TBC1D8B: variants seen among roughly 807,000 people sequenced by gnomAD.
TBC1D8B encodes the protein TBC1 domain family member 8B.
A neutral mutation model predicts 82.9 loss-of-function variants in TBC1D8B; 75 were observed. The observed-to-expected ratio is 0.90, with a 90% CI of 0.75 to 1.10. The LOEUF is 1.10. TBC1D8B is among the 50% of genes least tolerant of loss of function. The probability of loss-of-function intolerance (pLI) is 0.00; values close to 1 mark genes in which losing one functional copy is unlikely to be tolerated. For synonymous variants in TBC1D8B, 276 were observed against 276.8 expected (o/e 1.00, Z 0.03); for missense variants, 794 against 796.9 (o/e 1.00, Z 0.04).
At chrX:106,863,232 C>CA (rs1310887991) in intron 14 of TBC1D8B, among the ~76,000 whole-genome samples, 1 of 111,557 alleles carries the variant, frequency 9.0e-6, no homozygotes. Flanking sequence ...GGCTGCGATC[C>CA]AGTAGGTGGC....
chrX:106,816,788 A>G (rs1221917491), intron 1 of TBC1D8B, among the ~76,000 whole-genome samples: 1 of 110,889 alleles, frequency 9.0e-6, no homozygotes, highest in Non-Finnish European at 1.9e-5. Flanking sequence ...CTTTTTATCA[A>G]TTCCTGTATC....
In TBC1D8B at chrX:106,854,297, G is replaced by A. The variant is rs1373679128; in HGVS notation, c.2352+1G>A. 3 of 1,151,535 alleles carry A rather than the reference G, an allele frequency of 2.6e-6. No individual in the cohort carries two copies. Among genetic ancestry groups the A allele is most frequent in the South Asian group, 2.0e-5 (1 of 49,028 alleles). The allele number at this position is 1,151,535 out of a possible 1,213,427, so 94.9% of individuals were successfully genotyped here. ...AGAGGAAACAACAAAACAGAATGTG[G>A]TAAGTATGCAACCAATGAGGAAAAA... On this transcript the variant is annotated splice_donor_variant, in intron 14 of 20. Transcript: ENST00000357242. LOFTEE classifies it high-confidence loss of function.
intron 17 of TBC1D8B, among the ~76,000 whole-genome samples, chrX:106,867,710 T>C (rs769097051): frequency 9.0e-6 from 1 of 111,615 alleles, no homozygotes; most frequent in Admixed American, 9.5e-5. Flanking sequence ...CATAATTTGT[T>C]TAAAGCTACA....
chrX:106,869,238 GAAAT>G (rs1246936147), intron 18 of TBC1D8B, among the ~76,000 whole-genome samples: 9 of 111,247 alleles, frequency 8.1e-5, no homozygotes, highest in African/African-American at 2.9e-4. Context: ...ATACCACCCA[GAAAT>G]AAATACTTAA....
chrX:106,829,525 A>C (rs199655028), intron 7 of TBC1D8B: 2 of 85,312 alleles, frequency 2.3e-5, no homozygotes, highest in Non-Finnish European at 4.8e-5. Context: ...GAGGCATCAC[A>C]CTACCTGACT....
chrX:106,863,965 G>A (rs1042603372), intron 14 of TBC1D8B, among the ~76,000 whole-genome samples: 2 of 112,015 alleles, frequency 1.8e-5, no homozygotes, highest in African/African-American at 6.5e-5. Context: ...TCAGGCAGAA[G>A]CGGTAGTGCT....
chrX:106,827,473 T>C, intron 7 of TBC1D8B, 136 bp downstream of exon 7: 5 of 640,332 alleles, frequency 7.8e-6, no homozygotes, highest in Non-Finnish European at 1.2e-5. Context: ...TCTAAGAAAT[T>C]ATATTGTCTA....
intron 20 of TBC1D8B, among the ~76,000 whole-genome samples, chrX:106,872,695 C>T (rs1932857978): frequency 9.1e-6 from 1 of 110,065 alleles, no homozygotes; most frequent in African/African-American, 3.3e-5. Flanking sequence ...TGGCCAGGCG[C>T]AGTGGCTCAT....
intron 10 of TBC1D8B, among the ~76,000 whole-genome samples, chrX:106,842,693 A>G (rs576701203): frequency 3.6e-5 from 4 of 110,215 alleles, no homozygotes; most frequent in East Asian, 5.7e-4. Flanking sequence ...GTCTCCATCT[A>G]TCTATCTAAT....
At chrX:106,851,206 A>G (rs1294054408) in intron 12 of TBC1D8B, among the ~76,000 whole-genome samples, 1 of 111,954 alleles carries the variant, frequency 8.9e-6, no homozygotes, top group Non-Finnish European at 1.9e-5. Context: ...CCTGGCCAAC[A>G]TGGCAAAACC....
At chrX:106,852,014 AG>A (rs1237879008) in intron 12 of TBC1D8B, among the ~76,000 whole-genome samples, 1 of 109,573 alleles carries the variant, frequency 9.1e-6, no homozygotes, top group East Asian at 2.9e-4. Context: ...TGGTTGAACT[AG>A]TTTACAGTCC....
intron 9 of TBC1D8B, among the ~76,000 whole-genome samples, chrX:106,840,450 G>A (rs1932278089): frequency 9.0e-6 from 1 of 111,508 alleles, no homozygotes; most frequent in Non-Finnish European, 1.9e-5. Flanking sequence ...AGTGTCAACA[G>A]TCAGTTAAGG....
At chrX:106,825,553 A>C (rs995782594) in intron 5 of TBC1D8B, among the ~76,000 whole-genome samples, 7 of 111,094 alleles carry the variant, frequency 6.3e-5, no homozygotes, top group Non-Finnish European at 1.3e-4. Flanking sequence ...ACTTCACTTA[A>C]TTTTTAATAT....
chrX:106,868,635 C>T lies in TBC1D8B; in HGVS notation c.2812+159C>T, dbSNP rs5962763. On this transcript the variant is annotated intron_variant, in intron 18 of 20. Transcript: ENST00000357242. ...TTAGCATGGTCCATAAATGTTTGAC[C>T]GGTTAACCAAATTGCATTTTGGTGC... Among the ~76,000 whole-genome samples the T allele has an allele frequency of 0.062, 6,903 of 111,550 alleles. 555 individuals carry two copies. Among genetic ancestry groups the T allele is most frequent in the African/African-American group, 0.21 (6,535 of 30,617 alleles).
At chrX:106,804,310 G>A (rs898086530) in intron 1 of TBC1D8B, among the ~76,000 whole-genome samples, 1 of 111,048 alleles carries the variant, frequency 9.0e-6, no homozygotes, top group African/African-American at 3.3e-5. Context: ...GCCACTCCCG[G>A]GGTGCAAAGA....
intron 1 of TBC1D8B, among the ~76,000 whole-genome samples, chrX:106,805,259 CTTT>C (rs79051070): frequency 2.1e-5 from 2 of 96,422 alleles, no homozygotes; most frequent in Non-Finnish European, 2.1e-5. Context: ...TGGCTAATTT[CTTT>C]TTTTTTTTTT....
At chrX:106,862,714 T>C (rs1210343381) in intron 14 of TBC1D8B, among the ~76,000 whole-genome samples, 5 of 108,089 alleles carry the variant, frequency 4.6e-5, no homozygotes, top group African/African-American at 6.7e-5. Flanking sequence ...TTCTTTCTCA[T>C]CTGCGTGAGC....
intron 11 of TBC1D8B, chrX:106,849,109 T>C: frequency 3.4e-6 from 2 of 590,367 alleles, no homozygotes; most frequent in Non-Finnish European, 5.0e-6. Flanking sequence ...TATTTACAGA[T>C]CTGTGACCAC....
At chrX:106,859,485 G>A (rs1053152619) in intron 14 of TBC1D8B, among the ~76,000 whole-genome samples, 9 of 111,476 alleles carry the variant, frequency 8.1e-5, no homozygotes, top group African/African-American at 2.9e-4. Flanking sequence ...GAGTAGGATT[G>A]AGTTCTTGAT....
Sources: allele counts gnomAD v4.1 joint callset (sites outside exome capture counted in the v4.1 genomes callset), GRCh38; gene constraint gnomAD v4.1.1; transcripts MANE v1.5; gene names NCBI Gene and HGNC (gene_info 2026-07-23, HGNC 2026-07-21).